Variants in RANBP3 observed in about 807,000 individuals in gnomAD.
RANBP3 encodes RAN binding protein 3, also known as ran-binding protein 3.
In RANBP3, 14 loss-of-function variants were observed where a neutral mutation model predicts 77.3. The ratio of observed to expected loss-of-function variants is 0.18; its 90% CI spans 0.12 to 0.28. The LOEUF (loss-of-function observed/expected upper bound fraction) is 0.28. RANBP3 is among the 10% of genes least tolerant of loss of function. The pLI, the probability that RANBP3 is intolerant of heterozygous loss-of-function variation, is 1.00. For synonymous variants in RANBP3, 315 were observed against 312.4 expected (o/e 1.01, Z -0.09); for missense variants, 586 against 752.3 (o/e 0.78, Z 2.59).
chr19:5,942,462 G>C (rs1304445911), intron 3 of RANBP3, among the ~76,000 whole-genome samples: 1 of 152,130 alleles, frequency 6.6e-6, no homozygotes, highest in East Asian at 1.9e-4. Context: ...TTTAGCTTTA[G>C]AGTGTGAACA....
chr19:5,924,094 G>A lies in RANBP3; in HGVS notation c.997-180C>T. ...GTGGTCCCTCAGGCATCACTACGGGGTGAGTGCCACCAGCCGACAGTCCCC... is the reference window on the plus strand; with the variant it reads ...GTGGTCCCTCAGGCATCACTACGGGATGAGTGCCACCAGCCGACAGTCCCC... On this transcript the variant is annotated intron_variant, in intron 11 of 16. Coordinates refer to ENST00000340578, the MANE Select transcript of RANBP3 (RefSeq NM_007322.3). This position sits in a 1 kb window ranked among gnomAD's most constrained non-coding sequence, Gnocchi z 4.7. 6.6e-6 allele frequency among the ~76,000 whole-genome samples: 1 copy of A among 152,202 alleles called. No individual in the cohort carries two copies. The highest frequency in any genetic ancestry group is 1.9e-4 in the East Asian group (1 of 5,198).
chr19:5,929,892 C>T (rs567344101), intron 8 of RANBP3, among the ~76,000 whole-genome samples: 33 of 152,222 alleles, frequency 2.2e-4, no homozygotes, highest in Non-Finnish European at 4.6e-4. Flanking sequence ...TGGAGCCAGA[C>T]GCAGGAGCTG....
chr19:5,932,369 C>A, intron 7 of RANBP3, 83 bp downstream of exon 7: 1 of 1,068,968 alleles, frequency 9.4e-7, no homozygotes, highest in Non-Finnish European at 1.4e-6. Flanking sequence ...TCACCTCTGT[C>A]GCAACACTGC....
chr19:5,938,185 T>C (rs763000731), intron 5 of RANBP3, among the ~76,000 whole-genome samples: 1 of 152,182 alleles, frequency 6.6e-6, no homozygotes, highest in African/African-American at 2.4e-5. Context: ...AGCTAACTTA[T>C]CTCACAATGC....
At chr19:5,960,890 G>A (rs914978875) in intron 1 of RANBP3, among the ~76,000 whole-genome samples, 19 of 152,186 alleles carry the variant, frequency 1.2e-4, no homozygotes, top group Admixed American at 9.8e-4. Context: ...CCTGTCCTGT[G>A]CCTGGACATG....
intron 1 of RANBP3, among the ~76,000 whole-genome samples, chr19:5,974,855 CA>C (rs1226457552): frequency 6.6e-6 from 1 of 152,114 alleles, no homozygotes; most frequent in Non-Finnish European, 1.5e-5. Context: ...GAAAGTTCCC[CA>C]GGGGGTACTG....
In RANBP3 at chr19:5,931,419, C is replaced by T. The variant is rs2057988783; in HGVS notation, c.678G>A (p.Glu226=). Residue 226 remains glutamate (E), a synonymous_variant, in exon 8 of 17, where the codon GAG becomes GAA. Transcript: ENST00000340578. The stretch of plus-strand genomic sequence containing the variant: ...ACCCACTGACCTCAAGTGCACACAC[C>T]TCATCGGCAGCTTCGGAAGGACTTC... The part of the protein sequence containing the change: ...AWRSPSEAAD[E]VCALEEKEPQ... The T allele has an allele frequency of 6.2e-7, 1 of 1,612,424 alleles. No homozygotes were observed. Among genetic ancestry groups the T allele is most frequent in the Non-Finnish European group, 8.5e-7 (1 of 1,179,142 alleles).
At chr19:5,956,190 C>T (rs777430664) in intron 2 of RANBP3, among the ~76,000 whole-genome samples, 12 of 152,150 alleles carry the variant, frequency 7.9e-5, no homozygotes, top group Non-Finnish European at 1.3e-4. Flanking sequence ...CCTTAATTTG[C>T]TAACCTTTGT....
At chr19:5,977,854 C>T (rs2058615348) in intron 1 of RANBP3, among the ~76,000 whole-genome samples, 1 of 152,336 alleles carries the variant, frequency 6.6e-6, no homozygotes, top group East Asian at 1.9e-4. Flanking sequence ...GCTGCAGTGG[C>T]TGGGGTTGCC....
At chr19:5,933,722 G>A (rs1404441214) in intron 5 of RANBP3, 1 of 444,222 alleles carries the variant, frequency 2.3e-6, no homozygotes, top group South Asian at 3.0e-5. Context: ...GACCATGGGG[G>A]CAGGTGGGGC....
chr19:5,927,220 G>T (rs1455889197), intron 9 of RANBP3, among the ~76,000 whole-genome samples: 1 of 152,194 alleles, frequency 6.6e-6, no homozygotes, highest in Non-Finnish European at 1.5e-5. Flanking sequence ...TAGAGTCCCA[G>T]TGCATGGTCC....
rs2057736439 is a variant in RANBP3 at position 5,916,284 on chromosome 19, G to A, written c.*1326C>T. On this transcript the variant is annotated 3_prime_UTR_variant, in exon 17 of 17. Transcript: ENST00000340578. ...CAGAGACGTGTGACTGGGTCTCTCGGGAGGGCCTCTGGTTCTTCCCGGGCT... is the reference window on the plus strand; with the variant it reads ...CAGAGACGTGTGACTGGGTCTCTCGAGAGGGCCTCTGGTTCTTCCCGGGCT... 1 of 152,316 alleles carries A rather than the reference G, an allele frequency of 6.6e-6. No homozygotes were observed. The highest frequency in any genetic ancestry group is 2.1e-4 in the South Asian group (1 of 4,830). The allele number at this position is 152,316 out of a possible 1,614,324, so 9.4% of individuals were successfully genotyped here.
chr19:5,944,525 C>T (rs558222846), intron 3 of RANBP3, among the ~76,000 whole-genome samples: 1 of 152,354 alleles, frequency 6.6e-6, no homozygotes, highest in South Asian at 2.1e-4. Context: ...ATGCCTGGGG[C>T]AGCTACTGCC....
intron 1 of RANBP3, chr19:5,962,572 G>C: frequency 2.3e-6 from 1 of 435,154 alleles, no homozygotes; most frequent in South Asian, 1.6e-5. Context: ...CAGAGGAACG[G>C]AACCAAGAGG....
chr19:5,977,614 G>C (rs376738454), intron 1 of RANBP3, among the ~76,000 whole-genome samples: 1 of 151,952 alleles, frequency 6.6e-6, no homozygotes, highest in African/African-American at 2.4e-5. Context: ...ACGGGCTTAG[G>C]AGATAGGCAG....
intron 3 of RANBP3, among the ~76,000 whole-genome samples, chr19:5,947,792 T>C (rs548558813): frequency 1.1e-4 from 16 of 152,078 alleles, no homozygotes; most frequent in Admixed American, 9.8e-4. Flanking sequence ...CCGGCAGCCA[T>C]AGGGAGCTTG....
intron 1 of RANBP3, among the ~76,000 whole-genome samples, chr19:5,964,703 C>G (rs772541859): frequency 6.6e-6 from 1 of 152,026 alleles, no homozygotes; most frequent in Non-Finnish European, 1.5e-5. Flanking sequence ...GGGAAGCACA[C>G]GGCAGCAGAG....
chr19:5,917,975 G>T lies in RANBP3; in HGVS notation c.1479C>A (p.Ser493Arg), dbSNP rs757616986. ...QGVKVFLISASSKDTGQLYAA... is the reference protein window; with the variant it reads ...QGVKVFLISARSKDTGQLYAA... ...CATACAACTGACCTGTGTCCTTGGA[G>T]CTGGCCTGGGAAGGGAGGAGGGTAT... is the stretch of plus-strand genomic sequence containing the variant. Residue 493 changes from serine (S) to arginine (R), a missense_variant, in exon 16 of 17, where the codon AGC becomes AGA. By Grantham distance (110) the Ser-to-Arg change is moderately radical. This residue lies in a region of RANBP3 where 128 missense variants were observed against 157.0 expected (regional missense o/e 0.82). Transcript: ENST00000340578. The T allele has an allele frequency of 6.3e-7, 1 of 1,590,586 alleles. No homozygotes were observed. Among genetic ancestry groups the T allele is most frequent in the Non-Finnish European group, 8.6e-7 (1 of 1,164,702 alleles).
chr19:5,934,953 G>A (rs913752757), intron 5 of RANBP3, among the ~76,000 whole-genome samples: 5 of 152,190 alleles, frequency 3.3e-5, no homozygotes, highest in Non-Finnish European at 5.9e-5. Context: ...GGAGCTGAGC[G>A]GTTACCAGGG....
Sources: allele counts gnomAD v4.1 joint callset (sites outside exome capture counted in the v4.1 genomes callset), GRCh38; gene constraint gnomAD v4.1.1; regional missense constraint gnomAD v4.1.1; non-coding constraint Gnocchi (gnomAD v3.1); transcripts MANE v1.5; gene names NCBI Gene and HGNC (gene_info 2026-07-23, HGNC 2026-07-21).